LOXHD1: variants seen among roughly 807,000 people sequenced by gnomAD.
The protein encoded by LOXHD1 is lipoxygenase homology domain-containing protein 1.
Under a neutral mutation model 248.2 loss-of-function variants are expected in LOXHD1, and 205 were observed. That is an observed-to-expected ratio of 0.83 (90% CI 0.74 to 0.93). The LOEUF (loss-of-function observed/expected upper bound fraction) is 0.93. LOXHD1 is among the 40% of genes least tolerant of loss of function. The pLI is 0.00. For missense variants in LOXHD1, 2,930 were observed against 2,971.6 expected, an observed-to-expected ratio of 0.99 and a Z score of 0.33; for synonymous variants, 1,113 against 1,162.8, an observed-to-expected ratio of 0.96 and a Z score of 0.87.
At chr18:46,602,801 G>C (rs1040139456) in intron 7 of LOXHD1, among the ~76,000 whole-genome samples, 1 of 151,390 alleles carries the variant, frequency 6.6e-6, no homozygotes, top group African/African-American at 2.4e-5. Context: ...AATAGGTCTC[G>C]AGCTTTATTT....
At chr18:46,575,406 C>T (rs951668262) in intron 14 of LOXHD1, among the ~76,000 whole-genome samples, 1 of 152,156 alleles carries the variant, frequency 6.6e-6, no homozygotes, top group African/African-American at 2.4e-5. Context: ...ACATTTAAGT[C>T]CTAACCTCCG....
At chr18:46,626,830 C>T (rs188595559) in intron 4 of LOXHD1, among the ~76,000 whole-genome samples, 1 of 152,290 alleles carries the variant, frequency 6.6e-6, no homozygotes, top group Admixed American at 6.5e-5. Context: ...CAGTCTCCTT[C>T]ATCTATTAGA....
At chr18:46,568,692 T>TC (rs2037691508) in intron 16 of LOXHD1, among the ~76,000 whole-genome samples, 1 of 152,142 alleles carries the variant, frequency 6.6e-6, no homozygotes, top group South Asian at 2.1e-4. Flanking sequence ...TTTCATGTTT[T>TC]CCCCCTGACT....
At chr18:46,548,681 A>G (rs2036954372) in intron 21 of LOXHD1, among the ~76,000 whole-genome samples, 1 of 152,202 alleles carries the variant, frequency 6.6e-6, no homozygotes, top group Non-Finnish European at 1.5e-5. Context: ...ACAGAAATAA[A>G]GAAAGAGCTG....
At chr18:46,559,927 C>T (rs2037476108) in intron 19 of LOXHD1, among the ~76,000 whole-genome samples, 156 bp downstream of exon 19, 1 of 152,238 alleles carries the variant, frequency 6.6e-6, no homozygotes, top group African/African-American at 2.4e-5. Flanking sequence ...TGGCATTTCA[C>T]ACACAGGTCA....
chr18:46,559,137 C>T (rs971268824), intron 20 of LOXHD1: 46 of 1,362,520 alleles, frequency 3.4e-5, no homozygotes, highest in Admixed American at 1.1e-4. Flanking sequence ...CATCTTGCGG[C>T]GAGGACTTCC....
At chr18:46,532,425 A>G (rs1470513265) in intron 28 of LOXHD1, among the ~76,000 whole-genome samples, 1 of 152,176 alleles carries the variant, frequency 6.6e-6, no homozygotes, top group East Asian at 1.9e-4. Context: ...ACACATATAC[A>G]ATGTAGAAAG....
chr18:46,611,439 G>A (rs1004204626), intron 5 of LOXHD1, among the ~76,000 whole-genome samples: 11 of 152,116 alleles, frequency 7.2e-5, no homozygotes, highest in African/African-American at 1.4e-4. Context: ...TATTAACTCC[G>A]TCTTGCAAAT....
intron 1 of LOXHD1, 110 bp from the exon 2 acceptor site, chr18:46,649,379 T>G (rs2039078401): frequency 1.3e-5 from 11 of 851,692 alleles, no homozygotes; most frequent in Non-Finnish European, 2.0e-5. Context: ...AAAGGACTCT[T>G]GGAATCCCTG....
chr18:46,518,952 G>C (rs1031620791), intron 33 of LOXHD1: 1 of 985,400 alleles, frequency 1.0e-6, no homozygotes, highest in Non-Finnish European at 1.2e-6. Flanking sequence ...TTGAGATTGG[G>C]GTTTTGCCAT....
rs562825393 is a variant in LOXHD1, at chr18:46,574,163, A to G, written c.1971-2001T>C. On this transcript the variant is annotated intron_variant, in intron 14 of 40. Coordinates refer to ENST00000642948, the MANE Select transcript of LOXHD1 (RefSeq NM_001384474.1). ...TCCCTTCATTCTCCACCACTTATCCACCCCCAGGCCCTCCCCAGCAGCAAA... is the reference window on the plus strand; with the variant it reads ...TCCCTTCATTCTCCACCACTTATCCGCCCCCAGGCCCTCCCCAGCAGCAAA... Among the ~76,000 whole-genome samples, 4 of 151,384 alleles carry G rather than the reference A, an allele frequency of 2.6e-5. No homozygotes were observed. The South Asian group carries it at 8.4e-4, about 32-fold the overall frequency.
chr18:46,591,245 G>A (rs1336963855), intron 12 of LOXHD1, among the ~76,000 whole-genome samples: 1 of 152,158 alleles, frequency 6.6e-6, no homozygotes, highest in Non-Finnish European at 1.5e-5. Context: ...TAGCAAATGG[G>A]TTATCTTAAG....
chr18:46,512,570 G>C (rs1460285868), intron 34 of LOXHD1, among the ~76,000 whole-genome samples: 1 of 152,188 alleles, frequency 6.6e-6, no homozygotes, highest in Non-Finnish European at 1.5e-5. Context: ...TGATAAATCA[G>C]CTATCTCTGG....
intron 21 of LOXHD1, among the ~76,000 whole-genome samples, chr18:46,550,256 C>T (rs1266580073): frequency 5.9e-5 from 9 of 152,222 alleles, no homozygotes; most frequent in African/African-American, 2.2e-4. Flanking sequence ...ACATGGAATC[C>T]CTGGGCTGTA....
chr18:46,504,954 T>C (rs539030027), intron 37 of LOXHD1, among the ~76,000 whole-genome samples: 3 of 152,300 alleles, frequency 2.0e-5, no homozygotes, highest in South Asian at 2.1e-4. Flanking sequence ...ATAGAACTTA[T>C]AGGCCCAAAG....
At position 46,507,583 on chromosome 18, in the gene LOXHD1, C is replaced by T. The variant is rs1006382765; in HGVS notation, c.5647G>A (p.Glu1883Lys). 2 of 1,551,724 alleles carry T rather than the reference C, an allele frequency of 1.3e-6. No homozygotes were observed. The highest frequency in any genetic ancestry group is 1.7e-6 in the Non-Finnish European group (2 of 1,146,994). ...ACTGCGACGGTGTAGGAGGTCCACT[C>T]CATCATTTCTTCCTCATCGATAACG... ...CAVIDEEEMM[E>K]WTSYTVAVKT... The change falls in exon 36 of 41, where the codon GAG becomes AAG. Residue 1883 changes from glutamate to lysine, a missense_variant. By Grantham distance (56) the Glu-to-Lys change is moderately conservative. Coordinates refer to ENST00000642948, the MANE Select transcript of LOXHD1 (RefSeq NM_001384474.1).
Position 46,538,357 on chromosome 18 carries a change from G to A in LOXHD1, c.3914-20C>T, listed in dbSNP as rs527448702. On this transcript the variant is annotated intron_variant, in intron 25 of 40. Coordinates refer to ENST00000642948, the MANE Select transcript of LOXHD1 (RefSeq NM_001384474.1). Reference sequence around the variant, plus strand: ...GAACAACTGAGGGTGGTGGTCAGAGGGCAAAGCCAGAGTGGATGAGAGAAC... The same window carrying A: ...GAACAACTGAGGGTGGTGGTCAGAGAGCAAAGCCAGAGTGGATGAGAGAAC... 5 of 1,537,904 alleles carry A rather than the reference G, an allele frequency of 3.3e-6. No homozygotes were observed. Among genetic ancestry groups the A allele is most frequent in the Non-Finnish European group, 4.4e-6 (5 of 1,135,264 alleles).
chr18:46,525,983 G>C (rs1206590265), intron 29 of LOXHD1, among the ~76,000 whole-genome samples: 1 of 152,136 alleles, frequency 6.6e-6, no homozygotes, highest in South Asian at 2.1e-4. Context: ...AGCTGCAGCT[G>C]GGGGGCTGGG....
intron 34 of LOXHD1, among the ~76,000 whole-genome samples, chr18:46,515,668 AGGAATAT>A: frequency 6.6e-6 from 1 of 152,226 alleles, no homozygotes. Flanking sequence ...GAGAAAATCC[AGGAATAT>A]GGGGTTGGGT....
Sources: allele counts gnomAD v4.1 joint callset (sites outside exome capture counted in the v4.1 genomes callset), GRCh38; gene constraint gnomAD v4.1.1; transcripts MANE v1.5; gene names NCBI Gene and HGNC (gene_info 2026-07-23, HGNC 2026-07-21).